CREBL2: variants seen among roughly 807,000 people sequenced by gnomAD.
CREBL2 encodes cAMP responsive element binding protein like 2, also known as cAMP-responsive element-binding protein-like 2.
Under a neutral mutation model 19.5 loss-of-function variants are expected in CREBL2, and 4 were observed. The ratio of observed to expected loss-of-function variants is 0.20; its 90% CI spans 0.10 to 0.47. CREBL2 has a LOEUF of 0.47. Among genes scored for constraint, CREBL2 ranks in the 20% least tolerant of loss-of-function variants. CREBL2 has a pLI of 0.98. For synonymous variants in CREBL2, 42 were observed against 46.6 expected, an observed-to-expected ratio of 0.90 and a Z score of 0.40; for missense variants, 85 against 145.1, an observed-to-expected ratio of 0.59 and a Z score of 2.13.
intron 2 of CREBL2, among the ~76,000 whole-genome samples, chr12:12,636,942 A>G (rs1321254161): frequency 6.6e-6 from 1 of 152,254 alleles, no homozygotes; most frequent in South Asian, 2.1e-4. Flanking sequence ...AGGTTGGAAC[A>G]TGAAGAGGAG....
At chr12:12,639,824 G>C (rs967360428) in intron 3 of CREBL2, among the ~76,000 whole-genome samples, 1 of 152,212 alleles carries the variant, frequency 6.6e-6, no homozygotes, top group Non-Finnish European at 1.5e-5. Context: ...ATGCCCGCCT[G>C]AGTCTCAGAC....
chr12:12,633,464 C>T (rs896939193), intron 1 of CREBL2, among the ~76,000 whole-genome samples: 12 of 151,978 alleles, frequency 7.9e-5, no homozygotes, highest in Admixed American at 3.3e-4. Flanking sequence ...AAAAACATGA[C>T]GATGATGCAG....
chr12:12,618,161 A>T (rs1214567431), intron 1 of CREBL2, among the ~76,000 whole-genome samples: 1 of 150,212 alleles, frequency 6.7e-6, no homozygotes, highest in Non-Finnish European at 1.5e-5. Context: ...ATCATGGCCC[A>T]TTCTCAATGA....
intron 1 of CREBL2, among the ~76,000 whole-genome samples, chr12:12,621,473 AC>A (rs1945359030): frequency 6.7e-6 from 1 of 150,072 alleles, no homozygotes; most frequent in Non-Finnish European, 1.5e-5. Context: ...AGCTGAGATC[AC>A]ACCATTGCAC....
At chr12:12,641,643 A>G (rs1047732342) in intron 3 of CREBL2, among the ~76,000 whole-genome samples, 5 of 152,126 alleles carry the variant, frequency 3.3e-5, no homozygotes, top group African/African-American at 1.2e-4. Flanking sequence ...TATTTTTTAC[A>G]AAATTGAAGA....
At chr12:12,622,400 T>C (rs1945366197) in intron 1 of CREBL2, among the ~76,000 whole-genome samples, 1 of 152,188 alleles carries the variant, frequency 6.6e-6, no homozygotes. Flanking sequence ...CAGAAGATTC[T>C]TGAAGAATAG....
chr12:12,613,238 A>G (rs1945281819), intron 1 of CREBL2, among the ~76,000 whole-genome samples: 1 of 152,240 alleles, frequency 6.6e-6, no homozygotes, highest in South Asian at 2.1e-4. Context: ...AGGGATGGTC[A>G]AAGATTTGTT....
In CREBL2 at chr12:12,644,724, G is replaced by A. The variant is rs1235136177; in HGVS notation, c.*2726G>A. The A allele has an allele frequency of 6.6e-6, 1 of 152,522 alleles. No homozygotes were observed. The highest frequency in any genetic ancestry group is 2.4e-5 in the African/African-American group (1 of 41,392). The allele number at this position is 152,522 out of a possible 1,614,324, so 9.4% of individuals were successfully genotyped here. Reference sequence around the variant, plus strand: ...CGCAAATTCAGATTACTGTTTGCTGGCTAATTGACAGTATTTCTCAGCATC... The same window carrying A: ...CGCAAATTCAGATTACTGTTTGCTGACTAATTGACAGTATTTCTCAGCATC... On this transcript the variant is annotated 3_prime_UTR_variant, in exon 4 of 4. Coordinates refer to ENST00000228865, the MANE Select transcript of CREBL2 (RefSeq NM_001310.4).
At chr12:12,625,509 C>T (rs141092972) in intron 1 of CREBL2, among the ~76,000 whole-genome samples, 14 of 152,296 alleles carry the variant, frequency 9.2e-5, no homozygotes, top group African/African-American at 1.7e-4. Context: ...ATTTAATGCA[C>T]CTGTCAGTGT....
rs140246090 is a variant in CREBL2 at position 12,624,697 on chromosome 12, G to A, written c.16-11080G>A. 8.1e-4 allele frequency among the ~76,000 whole-genome samples: 123 copies of A among 152,340 alleles called. 2 individuals are homozygous for A. Among genetic ancestry groups the A allele is most frequent in the Non-Finnish European group, 1.4e-3 (96 of 68,026 alleles). ...CAGTGCTCTTTGAGCTCTGCCATCCGTGGATAGCTCAACTGTTAATAGCTC... is the reference window on the plus strand; with the variant it reads ...CAGTGCTCTTTGAGCTCTGCCATCCATGGATAGCTCAACTGTTAATAGCTC... On this transcript the variant is annotated intron_variant, in intron 1 of 3. Coordinates refer to ENST00000228865, the MANE Select transcript of CREBL2 (RefSeq NM_001310.4).
At chr12:12,637,534 AATTTAT>A in intron 2 of CREBL2, 30 bp from the exon 3 acceptor site, 3 of 1,232,088 alleles carry the variant, frequency 2.4e-6, no homozygotes, top group South Asian at 5.6e-5. Flanking sequence ...ATATGTTTTA[AATTTAT>A]ATTTATATTT....
chr12:12,614,634 A>AT (rs1945295042), intron 1 of CREBL2: 7 of 287,362 alleles, frequency 2.4e-5, no homozygotes, highest in South Asian at 1.3e-4. Flanking sequence ...TTCCTAGCTA[A>AT]TTTTTTGCAG....
At chr12:12,630,926 A>G (rs1945438583) in intron 1 of CREBL2, among the ~76,000 whole-genome samples, 1 of 152,148 alleles carries the variant, frequency 6.6e-6, no homozygotes, top group Non-Finnish European at 1.5e-5. Flanking sequence ...GTTATTTAAG[A>G]ATGTCTTTTG....
At chr12:12,626,407 C>T (rs1945402182) in intron 1 of CREBL2, among the ~76,000 whole-genome samples, 1 of 152,270 alleles carries the variant, frequency 6.6e-6, no homozygotes, top group Non-Finnish European at 1.5e-5. Context: ...AACCTTAAAA[C>T]TCATGAGTTA....
At chr12:12,618,276 G>T (rs1282675498) in intron 1 of CREBL2, among the ~76,000 whole-genome samples, 3 of 151,998 alleles carry the variant, frequency 2.0e-5, no homozygotes, top group Non-Finnish European at 4.4e-5. Context: ...TTCCCAGACG[G>T]GGCGGCTGCC....
chr12:12,633,573 T>C (rs1209065605), intron 1 of CREBL2, among the ~76,000 whole-genome samples: 2 of 152,008 alleles, frequency 1.3e-5, no homozygotes, highest in Non-Finnish European at 2.9e-5. Context: ...AAAGGACAGA[T>C]TTTTTTTCCC....
Position 12,618,378 on chromosome 12 carries a change from C to T in CREBL2, c.15+6191C>T, listed in dbSNP as rs186099542. On this transcript the variant is annotated intron_variant, in intron 1 of 3. Transcript: ENST00000228865. ...GGGTGGCGGTGGGGCAGAGACACTCCTCAGATCCCAGATGGGGTCATGGTG... is the reference window on the plus strand; with the variant it reads ...GGGTGGCGGTGGGGCAGAGACACTCTTCAGATCCCAGATGGGGTCATGGTG... Among the ~76,000 whole-genome samples, 802 of 151,948 alleles carry T rather than the reference C, an allele frequency of 5.3e-3. 6 individuals carry two copies. Among genetic ancestry groups the T allele is most frequent in the Middle Eastern group, 0.017 (5 of 294 alleles).
chr12:12,615,284 T>G (rs1945301529), intron 1 of CREBL2, among the ~76,000 whole-genome samples: 1 of 152,050 alleles, frequency 6.6e-6, no homozygotes, highest in Non-Finnish European at 1.5e-5. Flanking sequence ...ACTCCTGGCC[T>G]CAAGTGATCC....
intron 1 of CREBL2, among the ~76,000 whole-genome samples, chr12:12,625,189 C>T (rs911531464): frequency 1.3e-4 from 20 of 152,306 alleles, no homozygotes; most frequent in Non-Finnish European, 2.5e-4. Flanking sequence ...TTTGGGCCGT[C>T]ATTTCAGGCT....
Sources: gnomAD v4.1 joint callset for allele counts (sites outside exome capture counted in the v4.1 genomes callset) on GRCh38, gnomAD v4.1.1 for gene constraint, MANE v1.5 for transcripts, NCBI Gene and HGNC (gene_info 2026-07-23, HGNC 2026-07-21) for gene names.